The following CCSER1 variants were observed in gnomAD, a reference collection of about 807,000 sequenced individuals.
CCSER1 encodes the protein coiled-coil serine rich protein 1.
CCSER1 carries 41 observed loss-of-function variants against 82.0 expected under a neutral mutation model. The observed-to-expected ratio is 0.50, with a 90% CI of 0.39 to 0.65. CCSER1 has a LOEUF of 0.65. Ranked by LOEUF, CCSER1 falls within the 30% of genes least tolerant of loss-of-function variation. The pLI is 0.00. For synonymous variants in CCSER1, 414 were observed against 383.9 expected (o/e 1.08, Z -0.92); for missense variants, 1,119 against 1,064.2 (o/e 1.05, Z -0.72).
At chr4:90,522,349 T>A (rs528659395) in intron 5 of CCSER1, among the ~76,000 whole-genome samples, 11 of 152,336 alleles carry the variant, frequency 7.2e-5, no homozygotes, top group African/African-American at 2.4e-4. Flanking sequence ...AGAGCTGTTA[T>A]GTGTCACAGC....
chr4:91,385,937 C>T (rs1392566038), intron 10 of CCSER1, among the ~76,000 whole-genome samples: 4 of 151,852 alleles, frequency 2.6e-5, no homozygotes, highest in Admixed American at 6.6e-5. Flanking sequence ...TATAAATATA[C>T]GTGTATATCC....
chr4:91,288,796 A>C (rs1410921671), intron 10 of CCSER1, among the ~76,000 whole-genome samples: 1 of 152,076 alleles, frequency 6.6e-6, no homozygotes, highest in Non-Finnish European at 1.5e-5. Context: ...TTCTTGGGAC[A>C]GATACAAAAA....
chr4:90,709,113 A>T (rs1739992901), intron 6 of CCSER1, among the ~76,000 whole-genome samples: 1 of 152,200 alleles, frequency 6.6e-6, no homozygotes, highest in African/African-American at 2.4e-5. Context: ...AGTTATTTTT[A>T]TATGATGGAA....
At chr4:90,955,199 G>T (rs1003303335) in intron 9 of CCSER1, among the ~76,000 whole-genome samples, 1 of 152,128 alleles carries the variant, frequency 6.6e-6, no homozygotes, top group African/African-American at 2.4e-5. Flanking sequence ...GCACTTGGAA[G>T]ACCCAGCTGG....
chr4:91,070,945 C>G (rs143647350), intron 9 of CCSER1, among the ~76,000 whole-genome samples: 603 of 152,158 alleles, frequency 4.0e-3, no homozygotes, highest in Middle Eastern at 0.01. Context: ...AATGCTGACT[C>G]TCTTAAAATT....
intron 10 of CCSER1, among the ~76,000 whole-genome samples, chr4:91,281,429 G>GA (rs1175537493): frequency 6.6e-6 from 1 of 152,180 alleles, no homozygotes; most frequent in Non-Finnish European, 1.5e-5. Context: ...ACAGTGTAAT[G>GA]AAAAAACACA....
chr4:91,369,519 T>TTACTATATG (rs1560617431), intron 10 of CCSER1, among the ~76,000 whole-genome samples: 3 of 152,178 alleles, frequency 2.0e-5, no homozygotes, highest in Non-Finnish European at 2.9e-5. Context: ...ACATCTCACT[T>TTACTATATG]TACTATATGT....
chr4:91,494,813 A>C (rs1758719327), intron 10 of CCSER1, among the ~76,000 whole-genome samples: 1 of 151,914 alleles, frequency 6.6e-6, no homozygotes, highest in Admixed American at 6.6e-5. Flanking sequence ...TAATTGTATG[A>C]TATTTATTTC....
chr4:90,308,699 A>G lies in CCSER1; in HGVS notation c.415A>G (p.Lys139Glu). The change falls in exon 2 of 11, where the codon AAA (lysine) becomes GAA (glutamate). Residue 139 changes from lysine to glutamate, a missense_variant. Physicochemically the swap from Lys to Glu is moderately conservative, Grantham distance 56. Transcript: ENST00000509176. Reference protein sequence around the residue: ...RSLTEDFEREKEHSTNKNVFI... With the variant: ...RSLTEDFEREEEHSTNKNVFI... ...TTTGACAGAGGATTTTGAAAGGGAA[A>G]AAGAGCACTCAACTAACAAGAATGT... 4 of 1,613,624 alleles carry G rather than the reference A, an allele frequency of 2.5e-6. No individual in the cohort carries two copies. The highest frequency in any genetic ancestry group is 3.4e-6 in the Non-Finnish European group (4 of 1,179,778).
At chr4:91,078,516 C>T (rs948151012) in intron 9 of CCSER1, among the ~76,000 whole-genome samples, 26 of 152,214 alleles carry the variant, frequency 1.7e-4, no homozygotes, top group African/African-American at 6.0e-4. Flanking sequence ...AATCAAAAGC[C>T]TCTTCTCCTC....
intron 10 of CCSER1, among the ~76,000 whole-genome samples, chr4:91,490,867 G>A (rs1758480208): frequency 2.3e-5 from 1 of 44,030 alleles, no homozygotes; most frequent in Non-Finnish European, 4.0e-5. Flanking sequence ...AATATCTCAG[G>A]CACTCCATAT....
intron 10 of CCSER1, among the ~76,000 whole-genome samples, chr4:91,388,694 T>C (rs1018042940): frequency 6.6e-6 from 1 of 152,030 alleles, no homozygotes; most frequent in African/African-American, 2.4e-5. Context: ...CCAAAGACAG[T>C]TTTATTTCTT....
chr4:90,387,627 GTCAA>G (rs1750259640), intron 3 of CCSER1, among the ~76,000 whole-genome samples: 3 of 152,246 alleles, frequency 2.0e-5, no homozygotes, highest in South Asian at 4.1e-4. Flanking sequence ...TAACCATGTA[GTCAA>G]TCAATCAATC....
chr4:90,757,489 A>C (rs1264385823), intron 7 of CCSER1, among the ~76,000 whole-genome samples: 1 of 152,192 alleles, frequency 6.6e-6, no homozygotes, highest in Admixed American at 6.5e-5. Flanking sequence ...GAGTGACTTC[A>C]TTTTGGTTTG....
rs188391375 is a variant in CCSER1 at position 90,163,608 on chromosome 4, A to G, written c.-42+35777A>G. On this transcript the variant is annotated intron_variant, in intron 1 of 10. Coordinates refer to ENST00000509176, the MANE Select transcript of CCSER1 (RefSeq NM_001145065.2). ...ATTTTTAGATTTTTTTACATGTAGT[A>G]TCTAATTTAATTCACAACAATGACA... Among the ~76,000 whole-genome samples the G allele has an allele frequency of 2.1e-4, 32 of 152,248 alleles. No individual in the cohort carries two copies. The East Asian group carries it at 6.2e-3, about 29-fold the overall frequency.
intron 10 of CCSER1, among the ~76,000 whole-genome samples, chr4:91,324,222 C>T (rs1176311737): frequency 1.3e-5 from 2 of 151,990 alleles, no homozygotes; most frequent in African/African-American, 4.8e-5. Context: ...GTTCTATCTC[C>T]AAAATTATAG....
At chr4:90,269,316 T>C (rs1725822983) in intron 1 of CCSER1, among the ~76,000 whole-genome samples, 1 of 152,072 alleles carries the variant, frequency 6.6e-6, no homozygotes, top group Non-Finnish European at 1.5e-5. Context: ...TTTAATATAA[T>C]TGAAATCATA....
chr4:91,209,426 T>C (rs911628990), intron 10 of CCSER1, among the ~76,000 whole-genome samples: 1 of 151,986 alleles, frequency 6.6e-6, no homozygotes, highest in African/African-American at 2.4e-5. Context: ...CATGAAGGTA[T>C]GTTGAATTTT....
At chr4:90,411,582 G>C (rs112879693) in intron 4 of CCSER1, among the ~76,000 whole-genome samples, 1,634 of 152,266 alleles carry the variant, frequency 0.011, 28 homozygotes, top group African/African-American at 0.037. Context: ...AACACTTCGT[G>C]CTAAAAACTC....
Sources: allele counts gnomAD v4.1 joint callset (sites outside exome capture counted in the v4.1 genomes callset), GRCh38; gene constraint gnomAD v4.1.1; transcripts MANE v1.5; gene names NCBI Gene and HGNC (gene_info 2026-07-23, HGNC 2026-07-21).